The following SH3GL2 variants were observed in gnomAD, a reference collection of about 807,000 sequenced individuals.
SH3GL2 encodes endophilin-A1.
Under a neutral mutation model 46.0 loss-of-function variants are expected in SH3GL2, and 24 were observed. The ratio of observed to expected loss-of-function variants is 0.52; its 90% CI spans 0.38 to 0.73. SH3GL2 has a LOEUF of 0.73. Ranked by LOEUF, SH3GL2 falls within the 30% of genes least tolerant of loss-of-function variation. SH3GL2 has a pLI of 0.00. For missense variants in SH3GL2, 413 were observed against 424.2 expected (o/e 0.97, Z 0.23); for synonymous variants, 196 against 147.1 (o/e 1.33, Z -2.40).
chr9:17,708,048 C>G (rs1038500320), intron 1 of SH3GL2, among the ~76,000 whole-genome samples: 3 of 152,090 alleles, frequency 2.0e-5, no homozygotes, highest in Non-Finnish European at 4.4e-5. Context: ...AAGTCCTTAT[C>G]TCTCAGTGTC....
chr9:17,677,271 A>C (rs1820636328), intron 1 of SH3GL2, among the ~76,000 whole-genome samples: 1 of 152,116 alleles, frequency 6.6e-6, no homozygotes, highest in Non-Finnish European at 1.5e-5. Flanking sequence ...GTTCACATTC[A>C]CTGTATAATC....
At chr9:17,759,170 C>G (rs557467451) in intron 2 of SH3GL2, among the ~76,000 whole-genome samples, 1 of 152,190 alleles carries the variant, frequency 6.6e-6, no homozygotes, top group Non-Finnish European at 1.5e-5. Context: ...ACTGCAGGTA[C>G]CAGTCTCTGT....
intron 1 of SH3GL2, among the ~76,000 whole-genome samples, chr9:17,656,895 C>T (rs895024120): frequency 6.7e-6 from 1 of 149,092 alleles, no homozygotes; most frequent in African/African-American, 2.5e-5. Flanking sequence ...AATCCAGAAA[C>T]ACTTAAGAAG....
chr9:17,735,503 C>G (rs981777779), intron 1 of SH3GL2, among the ~76,000 whole-genome samples: 2 of 151,528 alleles, frequency 1.3e-5, no homozygotes, highest in Non-Finnish European at 2.9e-5. Context: ...GTGGGGTCCA[C>G]TTATACATGA....
In SH3GL2 at chr9:17,728,318, A is replaced by G. The variant is rs142029211; in HGVS notation, c.46-18748A>G. On this transcript the variant is annotated intron_variant, in intron 1 of 8. Transcript: ENST00000380607. ...ATTTAACTAATAGAAAAGATGAAGT[A>G]CCACAGCAATTAAATCAAAAGTGGC... is the stretch of plus-strand genomic sequence containing the variant. 4.5e-3 allele frequency among the ~76,000 whole-genome samples: 678 copies of G among 152,224 alleles called. 4 individuals carry two copies. The highest frequency in any genetic ancestry group is 0.015 in the African/African-American group (633 of 41,550).
chr9:17,622,908 T>C (rs1563786323), intron 1 of SH3GL2, among the ~76,000 whole-genome samples: 1 of 152,146 alleles, frequency 6.6e-6, no homozygotes, highest in Non-Finnish European at 1.5e-5. Context: ...TGCTGTAATA[T>C]GGCAGAATGA....
At chr9:17,582,055 G>C (rs1183551171) in intron 1 of SH3GL2, among the ~76,000 whole-genome samples, 1 of 152,140 alleles carries the variant, frequency 6.6e-6, no homozygotes, top group African/African-American at 2.4e-5. Context: ...TTTTTTGCTT[G>C]TGTTAGTAAG....
chr9:17,727,447 A>G (rs1178588838), intron 1 of SH3GL2, among the ~76,000 whole-genome samples: 1 of 152,132 alleles, frequency 6.6e-6, no homozygotes, highest in Admixed American at 6.5e-5. Flanking sequence ...TCCTTTACTA[A>G]AAAAGTTTTC....
At chr9:17,661,311 G>GTGAA in intron 1 of SH3GL2, among the ~76,000 whole-genome samples, 1 of 152,298 alleles carries the variant, frequency 6.6e-6, no homozygotes, top group African/African-American at 2.4e-5. Flanking sequence ...AGGAGCTATT[G>GTGAA]TGAAGCTGGG....
chr9:17,783,330 A>G (rs1823865779), intron 3 of SH3GL2, among the ~76,000 whole-genome samples: 1 of 151,716 alleles, frequency 6.6e-6, no homozygotes, highest in Non-Finnish European at 1.5e-5. Context: ...ATTAGGAAAT[A>G]AAAACTAAGA....
chr9:17,705,050 C>CAA (rs151216971), intron 1 of SH3GL2, among the ~76,000 whole-genome samples: 1 of 150,478 alleles, frequency 6.6e-6, no homozygotes, highest in African/African-American at 2.4e-5. Context: ...AATTTACAAA[C>CAA]AAAAAAAAAC....
chr9:17,796,182 C>T lies in SH3GL2; in HGVS notation c.*439C>T, dbSNP rs1824271251. Reference sequence around the variant, plus strand: ...ACTGTCCCTTCCCAAATATGTGAGTCATGGAATTGTCAAAGTAAGCCTTCC... The same window carrying T: ...ACTGTCCCTTCCCAAATATGTGAGTTATGGAATTGTCAAAGTAAGCCTTCC... On this transcript the variant is annotated 3_prime_UTR_variant, in exon 9 of 9. Transcript: ENST00000380607. 6.4e-6 allele frequency: 1 copy of T among 157,158 alleles called. No homozygotes were observed. The highest frequency in any genetic ancestry group is 6.3e-5 in the Admixed American group (1 of 15,878). 9.7% of individuals were successfully genotyped at this position (157,158 alleles called of 1,614,324 possible).
chr9:17,594,214 A>C (rs1158403457), intron 1 of SH3GL2, among the ~76,000 whole-genome samples: 1 of 151,750 alleles, frequency 6.6e-6, no homozygotes, highest in Non-Finnish European at 1.5e-5. Flanking sequence ...TCACTCTCAC[A>C]CTCTAAATGT....
At chr9:17,580,579 T>C (rs538190586) in intron 1 of SH3GL2, among the ~76,000 whole-genome samples, 1 of 152,372 alleles carries the variant, frequency 6.6e-6, no homozygotes, top group Admixed American at 6.5e-5. Context: ...AAATGTTTCT[T>C]AATGTAATTA....
intron 2 of SH3GL2, among the ~76,000 whole-genome samples, chr9:17,757,411 C>G (rs928492271): frequency 1.3e-5 from 2 of 152,182 alleles, no homozygotes; most frequent in Non-Finnish European, 2.9e-5. Context: ...ATCTATTCAT[C>G]TGACAAAGAG....
chr9:17,788,863 G>C (rs1488348131), intron 5 of SH3GL2, among the ~76,000 whole-genome samples: 1 of 152,078 alleles, frequency 6.6e-6, no homozygotes, highest in Non-Finnish European at 1.5e-5. Flanking sequence ...CCTAGATATC[G>C]ATTCAAGAGC....
chr9:17,762,415 A>AG (rs1491410851), intron 3 of SH3GL2, among the ~76,000 whole-genome samples: 187 of 145,196 alleles, frequency 1.3e-3, no homozygotes, highest in African/African-American at 4.5e-3. Context: ...AAAAAAAAAA[A>AG]GGGGGCGGGT....
chr9:17,599,597 G>C (rs972311658), intron 1 of SH3GL2, among the ~76,000 whole-genome samples: 32 of 152,190 alleles, frequency 2.1e-4, no homozygotes, highest in Admixed American at 5.9e-4. Flanking sequence ...TGAAATATTG[G>C]TCCAGTCATA....
In SH3GL2 at chr9:17,795,653, T is replaced by C. The variant is rs944763753; in HGVS notation, c.969T>C (p.Ile323=). 6.2e-7 allele frequency: 1 copy of C among 1,613,946 alleles called. No individual in the cohort carries two copies. The highest frequency in any genetic ancestry group is 2.2e-5 in the East Asian group (1 of 44,846). The change falls in exon 9 of 9, where the codon ATT becomes ATC. Residue 323 remains isoleucine, a synonymous_variant. Transcript: ENST00000380607. ...EGDIITLTNQ[I]DENWYEGMLH... is the part of the protein sequence containing the mutation. ...ATATCATCACACTCACTAACCAAAT[T>C]GATGAGAACTGGTATGAGGGGATGC...
Sources: allele counts gnomAD v4.1 joint callset (sites outside exome capture counted in the v4.1 genomes callset), GRCh38; gene constraint gnomAD v4.1.1; transcripts MANE v1.5; gene names NCBI Gene and HGNC (gene_info 2026-07-23, HGNC 2026-07-21).